The following PTPRD variants were observed in gnomAD, a reference collection of about 807,000 sequenced individuals.
PTPRD encodes the protein protein tyrosine phosphatase receptor type D, also known as receptor-type tyrosine-protein phosphatase delta.
PTPRD carries 34 observed loss-of-function variants against 214.5 expected under a neutral mutation model. The observed-to-expected ratio is 0.16, with a 90% CI of 0.12 to 0.21. The LOEUF is 0.21. PTPRD is among the 10% of genes least tolerant of loss of function. The probability of loss-of-function intolerance (pLI) is 1.00; values close to 1 mark genes in which losing one functional copy is unlikely to be tolerated. For missense variants in PTPRD, 2,545 were observed against 2,398.7 expected (o/e 1.06, Z -1.27); for synonymous variants, 1,128 against 845.7 (o/e 1.33, Z -5.79).
At chr9:8,381,230 G>A (rs1348131626) in intron 37 of PTPRD, among the ~76,000 whole-genome samples, 2 of 152,184 alleles carry the variant, frequency 1.3e-5, no homozygotes, top group Non-Finnish European at 2.9e-5. Context: ...ATTTTTGGGA[G>A]TAAGGAAATG....
intron 9 of PTPRD, among the ~76,000 whole-genome samples, chr9:9,385,002 G>A (rs115312941): frequency 0.037 from 5,595 of 152,124 alleles, 360 homozygotes; most frequent in African/African-American, 0.13. Flanking sequence ...AAACTTTGAA[G>A]TATTTATATT....
intron 11 of PTPRD, among the ~76,000 whole-genome samples, chr9:8,837,493 CT>C (rs1488335767): frequency 4.4e-5 from 6 of 135,406 alleles, no homozygotes; most frequent in Non-Finnish European, 9.2e-5. Context: ...TTTTCTCTTC[CT>C]TTTTTTGTTT....
chr9:9,628,507 C>A (rs1047430017), intron 7 of PTPRD, among the ~76,000 whole-genome samples: 1 of 152,152 alleles, frequency 6.6e-6, no homozygotes, highest in African/African-American at 2.4e-5. Flanking sequence ...AGGATCTGCA[C>A]ACAGCTGCTA....
chr9:9,136,827 T>A (rs1187289209), intron 10 of PTPRD, among the ~76,000 whole-genome samples: 1 of 152,130 alleles, frequency 6.6e-6, no homozygotes, highest in Admixed American at 6.6e-5. Context: ...ATGGAAGAAT[T>A]TTGGAAGTAA....
rs185994694 is a variant in PTPRD, at chr9:9,804,751, G to C, written c.-367-37900C>G. Among the ~76,000 whole-genome samples, 581 of 151,888 alleles carry C rather than the reference G, an allele frequency of 3.8e-3. 13 individuals carry two copies. Among genetic ancestry groups the C allele is most frequent in the Admixed American group, 0.033 (506 of 15,238 alleles). On this transcript the variant is annotated intron_variant, in intron 5 of 45. Coordinates refer to ENST00000381196, the MANE Select transcript of PTPRD (RefSeq NM_002839.4). ...TTTAGCATACCATGCACTTGGTAGAGATATGAGGTGTGCTTTTTATATATA... is the reference window on the plus strand; with the variant it reads ...TTTAGCATACCATGCACTTGGTAGACATATGAGGTGTGCTTTTTATATATA...
intron 10 of PTPRD, among the ~76,000 whole-genome samples, chr9:9,116,992 G>T (rs895126505): frequency 1.3e-5 from 2 of 152,078 alleles, no homozygotes; most frequent in African/African-American, 4.8e-5. Flanking sequence ...GTGTGTGTGT[G>T]TCACAGTTGG....
At chr9:9,324,310 T>C (rs564130322) in intron 9 of PTPRD, among the ~76,000 whole-genome samples, 1 of 152,296 alleles carries the variant, frequency 6.6e-6, no homozygotes, top group Non-Finnish European at 1.5e-5. Context: ...CCACCAACAG[T>C]GTAAAAGCAT....
intron 8 of PTPRD, among the ~76,000 whole-genome samples, chr9:9,552,482 G>A (rs1411482607): frequency 1.3e-5 from 2 of 151,994 alleles, no homozygotes; most frequent in Non-Finnish European, 2.9e-5. Context: ...CTTCCTAAAT[G>A]TAGTTCTTTA....
intron 2 of PTPRD, among the ~76,000 whole-genome samples, chr9:10,520,159 G>C (rs193229608): frequency 2.0e-5 from 3 of 152,166 alleles, no homozygotes; most frequent in Non-Finnish European, 4.4e-5. Flanking sequence ...TCTTGTGCCA[G>C]TTTGTCAAGT....
chr9:8,603,009 C>CA (rs1252830011), intron 14 of PTPRD, among the ~76,000 whole-genome samples: 1 of 151,994 alleles, frequency 6.6e-6, no homozygotes, highest in Non-Finnish European at 1.5e-5. Flanking sequence ...AACAACACTG[C>CA]AAAAAAATAT....
intron 2 of PTPRD, among the ~76,000 whole-genome samples, chr9:10,483,605 G>A (rs1018703367): frequency 2.6e-5 from 4 of 151,794 alleles, no homozygotes; most frequent in African/African-American, 4.8e-5. Context: ...TGAAAAAGTG[G>A]GCAAAGAACA....
chr9:8,321,385 C>T (rs770662363), intron 44 of PTPRD, among the ~76,000 whole-genome samples: 17 of 149,660 alleles, frequency 1.1e-4, no homozygotes, highest in Non-Finnish European at 2.2e-4. Flanking sequence ...TATCATCTTA[C>T]TTTAATAAGT....
At chr9:10,431,888 G>C (rs1201343010) in intron 2 of PTPRD, among the ~76,000 whole-genome samples, 1 of 152,028 alleles carries the variant, frequency 6.6e-6, no homozygotes, top group East Asian at 1.9e-4. Context: ...TGATTCCTTA[G>C]GGATCTAGAG....
intron 7 of PTPRD, among the ~76,000 whole-genome samples, chr9:9,715,810 G>A (rs1356749287): frequency 6.6e-6 from 1 of 151,978 alleles, no homozygotes; most frequent in Non-Finnish European, 1.5e-5. Flanking sequence ...TTCTAACACG[G>A]ACCCCTTTAA....
chr9:9,858,062 CTT>C (rs970979898), intron 5 of PTPRD, among the ~76,000 whole-genome samples: 6 of 152,170 alleles, frequency 3.9e-5, no homozygotes, highest in African/African-American at 1.4e-4. Flanking sequence ...ACTTGATACT[CTT>C]TTCCTTTAAC....
chr9:9,839,522 A>G (rs1486400560), intron 5 of PTPRD, among the ~76,000 whole-genome samples: 1 of 152,104 alleles, frequency 6.6e-6, no homozygotes, highest in Non-Finnish European at 1.5e-5. Flanking sequence ...TTCAAGGAGA[A>G]CTACAAACCA....
chr9:9,857,168 T>G (rs1433598416), intron 5 of PTPRD, among the ~76,000 whole-genome samples: 1 of 152,168 alleles, frequency 6.6e-6, no homozygotes, highest in Non-Finnish European at 1.5e-5. Context: ...ATTGTTTATG[T>G]CACAATTTCA....
intron 3 of PTPRD, among the ~76,000 whole-genome samples, chr9:10,297,770 C>A (rs903704444): frequency 3.9e-5 from 6 of 152,030 alleles, no homozygotes; most frequent in African/African-American, 1.2e-4. Context: ...TTAATTACAG[C>A]TACTGGAAAA....
At chr9:10,610,695 T>A (rs1194329507) in intron 2 of PTPRD, among the ~76,000 whole-genome samples, 1 of 152,122 alleles carries the variant, frequency 6.6e-6, no homozygotes, top group Non-Finnish European at 1.5e-5. Context: ...CTCATTTGGA[T>A]AAGAAATTAA....
Sources: gnomAD v4.1 joint callset for allele counts (sites outside exome capture counted in the v4.1 genomes callset) on GRCh38, gnomAD v4.1.1 for gene constraint, MANE v1.5 for transcripts, NCBI Gene and HGNC (gene_info 2026-07-23, HGNC 2026-07-21) for gene names.